The following TENM2 variants were observed in gnomAD, a reference collection of about 807,000 sequenced individuals.
TENM2 encodes the protein teneurin-2.
In TENM2, 52 loss-of-function variants were observed where a neutral mutation model predicts 245.2. The observed-to-expected ratio is 0.21, with a 90% CI of 0.17 to 0.27. The LOEUF (loss-of-function observed/expected upper bound fraction) is 0.27, where lower values mean the gene tolerates loss of function less well. TENM2 is among the 10% of genes least tolerant of loss of function. The pLI, the probability that TENM2 is intolerant of heterozygous loss-of-function variation, is 1.00. For missense variants in TENM2, 3,046 were observed against 3,666.8 expected, an observed-to-expected ratio of 0.83 and a Z score of 4.37; for synonymous variants, 1,363 against 1,438.9, an observed-to-expected ratio of 0.95 and a Z score of 1.19.
chr5:167,446,113 T>TTCTAAAGATTATTGTTTGA, intron 2 of TENM2, among the ~76,000 whole-genome samples: 1 of 152,158 alleles, frequency 6.6e-6, no homozygotes, highest in South Asian at 2.1e-4. Context: ...TTGGCAAATA[T>TTCTAAAGATTATTGTTTGA]ATTAAATAAA....
chr5:167,855,598 T>G (rs150541919), intron 2 of TENM2, among the ~76,000 whole-genome samples: 1 of 142,738 alleles, frequency 7.0e-6, no homozygotes, highest in Non-Finnish European at 1.5e-5. Context: ...GTTTATATAA[T>G]AGAGCCTGAT....
chr5:167,383,189 T>G (rs961224196), intron 2 of TENM2, among the ~76,000 whole-genome samples: 1 of 152,164 alleles, frequency 6.6e-6, no homozygotes, highest in African/African-American at 2.4e-5. Flanking sequence ...AATCAATAAA[T>G]ATAAATTGAC....
At position 168,072,643 on chromosome 5, in the gene TENM2, G is replaced by T. The variant is rs534891868; in HGVS notation, c.1515+10378G>T. On this transcript the variant is annotated intron_variant, in intron 7 of 28. Transcript: ENST00000518659. ...ACACTCTACGATCATCCTGGTCTGG[G>T]TTTGAATCTTATCTCTCCTATGAAG... is the stretch of plus-strand genomic sequence containing the variant. 1.1e-4 allele frequency among the ~76,000 whole-genome samples: 16 copies of T among 152,264 alleles called. No homozygotes were observed. In the South Asian group the frequency reaches 3.3e-3, roughly 32 times the overall value.
At chr5:167,316,393 C>A (rs373239054) in intron 1 of TENM2, among the ~76,000 whole-genome samples, 11 of 152,286 alleles carry the variant, frequency 7.2e-5, no homozygotes, top group African/African-American at 2.6e-4. Context: ...TGTACATGAG[C>A]AGATGCAGTA....
the TENM2 span, among the ~76,000 whole-genome samples, chr5:167,214,987 T>C: frequency 3.9e-5 from 6 of 152,336 alleles, no homozygotes; most frequent in East Asian, 9.7e-4. Context: ...TTCTTTCTCC[T>C]TCTTTCCTAG....
At chr5:168,115,354 A>AG (rs1794977426) in intron 9 of TENM2, among the ~76,000 whole-genome samples, 2 of 109,692 alleles carry the variant, frequency 1.8e-5, no homozygotes, top group East Asian at 6.2e-4. Context: ...AAAGGAGGGA[A>AG]GGAAGGGAAG....
At chr5:167,167,977 A>G in the TENM2 span, among the ~76,000 whole-genome samples, 1 of 152,194 alleles carries the variant, frequency 6.6e-6, no homozygotes, top group African/African-American at 2.4e-5. Context: ...ATAGGTAGTA[A>G]TTGCAGAGGG....
At chr5:167,471,216 G>C (rs1561983542) in intron 2 of TENM2, among the ~76,000 whole-genome samples, 1 of 152,018 alleles carries the variant, frequency 6.6e-6, no homozygotes. Context: ...ATTCTTCCTT[G>C]CTCTGTTGTA....
At chr5:168,158,255 C>G (rs1757368300) in intron 12 of TENM2, among the ~76,000 whole-genome samples, 1 of 152,060 alleles carries the variant, frequency 6.6e-6, no homozygotes, top group African/African-American at 2.4e-5. Context: ...CAGAACTAGC[C>G]CATTAATATC....
exon 11 of TENM2, chr5:168,125,026 T>G: frequency 6.2e-7 from 1 of 1,609,260 alleles, no homozygotes; most frequent in Non-Finnish European, 8.5e-7. Flanking sequence ...CGATCCCAAC[T>G]GGATGGGTCC....
At chr5:167,973,398 A>G (rs902849990) in intron 4 of TENM2, among the ~76,000 whole-genome samples, 3 of 152,216 alleles carry the variant, frequency 2.0e-5, no homozygotes, top group Non-Finnish European at 4.4e-5. Flanking sequence ...AATTCAGCCA[A>G]CATTTGTAGG....
At chr5:167,447,541 G>A (rs932069782) in intron 2 of TENM2, among the ~76,000 whole-genome samples, 8 of 152,118 alleles carry the variant, frequency 5.3e-5, no homozygotes, top group Non-Finnish European at 8.8e-5. Context: ...ACTTGGGTGA[G>A]GATCTCTTAC....
At position 167,515,951 on chromosome 5, in the gene TENM2, A is replaced by G. The variant is rs532064835; in HGVS notation, c.502+140478A>G. ...TGTTATGCATGTAAAAGTTCTGTCT[A>G]TTTGATGAACTCTCTACCAGTCTTT... On this transcript the variant is annotated intron_variant, in intron 2 of 28. Coordinates refer to ENST00000518659, the Ensembl canonical transcript of TENM2. 1.2e-4 allele frequency among the ~76,000 whole-genome samples: 19 copies of G among 152,242 alleles called. No individual in the cohort carries two copies. In the East Asian group the frequency reaches 2.3e-3, roughly 19 times the overall value.
chr5:167,980,341 G>T (rs1028289521), intron 4 of TENM2, among the ~76,000 whole-genome samples: 13 of 152,178 alleles, frequency 8.5e-5, no homozygotes, highest in Non-Finnish European at 1.5e-4. Flanking sequence ...GGGAAAGGCT[G>T]ATCAAGAAAT....
intron 2 of TENM2, among the ~76,000 whole-genome samples, chr5:167,872,484 A>G (rs199768312): frequency 2.7e-4 from 27 of 99,744 alleles, no homozygotes; most frequent in South Asian, 1.1e-3. Flanking sequence ...GAAAGAAAGA[A>G]AAAGAAAGAA....
At chr5:167,020,629 C>G in the TENM2 span, among the ~76,000 whole-genome samples, 3 of 152,294 alleles carry the variant, frequency 2.0e-5, no homozygotes, top group Admixed American at 6.5e-5. Context: ...ACTGATTGAA[C>G]CTTCCTTTTG....
chr5:168,194,662 A>G (rs1761234037), intron 14 of TENM2, among the ~76,000 whole-genome samples: 1 of 152,136 alleles, frequency 6.6e-6, no homozygotes, highest in South Asian at 2.1e-4. Context: ...GGATTATGAG[A>G]AATTTTGCTC....
At chr5:168,157,204 G>A (rs1402441711) in intron 12 of TENM2, among the ~76,000 whole-genome samples, 1 of 152,164 alleles carries the variant, frequency 6.6e-6, no homozygotes, top group African/African-American at 2.4e-5. Flanking sequence ...TTTGAAGGAT[G>A]TATTGAAGTT....
intron 2 of TENM2, among the ~76,000 whole-genome samples, chr5:167,438,156 C>T (rs1172987157): frequency 6.6e-6 from 1 of 152,066 alleles, no homozygotes; most frequent in African/African-American, 2.4e-5. Flanking sequence ...TCCATCTTTC[C>T]GACTTTAGTT....
Sources: allele counts gnomAD v4.1 joint callset (sites outside exome capture counted in the v4.1 genomes callset), GRCh38; gene constraint gnomAD v4.1.1; transcripts MANE v1.5; gene names NCBI Gene and HGNC (gene_info 2026-07-23, HGNC 2026-07-21).